The following KIF16B variants were observed in gnomAD, a reference collection of about 807,000 sequenced individuals.
KIF16B encodes kinesin family member 16B.
Under a neutral mutation model 156.3 loss-of-function variants are expected in KIF16B, and 98 were observed. The observed-to-expected ratio is 0.63, with a 90% CI of 0.53 to 0.74. The LOEUF (loss-of-function observed/expected upper bound fraction) is 0.74, where lower values mean the gene tolerates loss of function less well. Ranked by LOEUF, KIF16B falls within the 30% of genes least tolerant of loss-of-function variation. KIF16B has a pLI of 0.00. For missense variants in KIF16B, 1,421 were observed against 1,606.5 expected (o/e 0.88, Z 1.97); for synonymous variants, 564 against 583.7 (o/e 0.97, Z 0.49).
intron 24 of KIF16B, among the ~76,000 whole-genome samples, chr20:16,328,626 T>C (rs1281100095): frequency 1.3e-5 from 2 of 152,156 alleles, no homozygotes; most frequent in Non-Finnish European, 2.9e-5. Flanking sequence ...CCTTGAAAAG[T>C]AAGGTTCCTG....
chr20:16,439,616 T>C (rs2066739646), intron 12 of KIF16B, among the ~76,000 whole-genome samples: 1 of 152,084 alleles, frequency 6.6e-6, no homozygotes, highest in Non-Finnish European at 1.5e-5. Flanking sequence ...ATGAGTGAGA[T>C]TGTATTAGTC....
At chr20:16,331,974 T>G (rs1358001661) in intron 24 of KIF16B, among the ~76,000 whole-genome samples, 2 of 152,162 alleles carry the variant, frequency 1.3e-5, no homozygotes, top group African/African-American at 4.8e-5. Flanking sequence ...CTGAGCTGCA[T>G]AAGAGTAAAA....
At chr20:16,458,680 GGA>G (rs1370597475) in intron 12 of KIF16B, among the ~76,000 whole-genome samples, 2 of 152,002 alleles carry the variant, frequency 1.3e-5, no homozygotes, top group East Asian at 3.9e-4. Flanking sequence ...AAGAAAGGAG[GGA>G]GAGAGTGGGA....
At chr20:16,535,383 T>A (rs181321017) in intron 1 of KIF16B, among the ~76,000 whole-genome samples, 184 of 152,278 alleles carry the variant, frequency 1.2e-3, no homozygotes, top group African/African-American at 4.2e-3. Flanking sequence ...GTTCTAAGAG[T>A]TTTTAGGTGA....
At chr20:16,558,976 A>C (rs1301131801) in intron 1 of KIF16B, among the ~76,000 whole-genome samples, 1 of 150,886 alleles carries the variant, frequency 6.6e-6, no homozygotes, top group East Asian at 1.9e-4. Context: ...ACAGCCTATT[A>C]TCTCCCTGAT....
chr20:16,446,957 C>A (rs1449926507), intron 12 of KIF16B, among the ~76,000 whole-genome samples: 1 of 152,218 alleles, frequency 6.6e-6, no homozygotes, highest in African/African-American at 2.4e-5. Flanking sequence ...TCTACTCCCA[C>A]ATTTTCAGAA....
chr20:16,492,933 A>C (rs567000493), intron 12 of KIF16B, among the ~76,000 whole-genome samples: 1 of 152,216 alleles, frequency 6.6e-6, no homozygotes, highest in Non-Finnish European at 1.5e-5. Context: ...GGGCTGAGGC[A>C]CCAACACCTC....
intron 12 of KIF16B, among the ~76,000 whole-genome samples, chr20:16,475,844 C>T (rs1417177809): frequency 1.3e-5 from 2 of 152,070 alleles, no homozygotes; most frequent in Non-Finnish European, 2.9e-5. Context: ...AAGATATTAC[C>T]CTGGTACTCT....
chr20:16,453,492 A>G (rs749888135), intron 12 of KIF16B, among the ~76,000 whole-genome samples: 1 of 152,142 alleles, frequency 6.6e-6, no homozygotes, highest in Admixed American at 6.5e-5. Flanking sequence ...ATCCACACAC[A>G]TACAAACACC....
chr20:16,401,261 TTC>T (rs1240632695), intron 17 of KIF16B, among the ~76,000 whole-genome samples: 1 of 152,180 alleles, frequency 6.6e-6, no homozygotes, highest in African/African-American at 2.4e-5. Flanking sequence ...TTCTCCCGAA[TTC>T]TCTGATTGCC....
intron 22 of KIF16B, among the ~76,000 whole-genome samples, chr20:16,361,438 C>T (rs920031392): frequency 1.3e-5 from 2 of 152,158 alleles, no homozygotes; most frequent in African/African-American, 4.8e-5. Flanking sequence ...GTAGAGAAGC[C>T]TGCCTTTGCT....
intron 24 of KIF16B, 36 bp downstream of exon 24, chr20:16,335,890 A>G (rs560167301): frequency 8.0e-7 from 1 of 1,257,534 alleles, no homozygotes; most frequent in South Asian, 1.2e-5. Context: ...TATAAAATGA[A>G]TGCTCTTAAT....
chr20:16,475,877 A>G (rs1438096265), intron 12 of KIF16B, among the ~76,000 whole-genome samples: 1 of 152,214 alleles, frequency 6.6e-6, no homozygotes, highest in Non-Finnish European at 1.5e-5. Flanking sequence ...AGATTAGAAA[A>G]ATTATTTAAA....
At chr20:16,469,808 A>C (rs6034485) in intron 12 of KIF16B, among the ~76,000 whole-genome samples, 37,695 of 152,038 alleles carry the variant, frequency 0.25, 4,843 homozygotes, top group African/African-American at 0.3. Flanking sequence ...ACAAACCAGT[A>C]ATCATACTGC....
At position 16,374,300 on chromosome 20, in the gene KIF16B, C is replaced by T. The variant is rs772129510; in HGVS notation, c.3307G>A (p.Val1103Ile). ...ACCAGGTGTGATTTTTCAGCACTGA[C>T]TGGCAAGCTGGAAGAAGCCACCTTC... ...EGKVASSSLP[V>I]SAEKSHLVPL... The change falls in exon 20 of 26, where the codon GTC becomes ATC. Residue 1103 changes from valine to isoleucine, a missense_variant. Coordinates refer to ENST00000354981, the MANE Select transcript of KIF16B (RefSeq NM_024704.5). 8.1e-6 allele frequency: 13 copies of T among 1,604,172 alleles called. No individual in the cohort carries two copies. The South Asian group carries it at 1.3e-4, about 17-fold the overall frequency.
chr20:16,396,341 T>C (rs910562216), intron 17 of KIF16B, among the ~76,000 whole-genome samples: 7 of 152,030 alleles, frequency 4.6e-5, no homozygotes, highest in South Asian at 2.1e-4. Flanking sequence ...ACTTGGTCCA[T>C]GGTGCCAAAA....
At position 16,350,810 on chromosome 20, in the gene KIF16B, G is replaced by A. The variant is rs60045808; in HGVS notation, c.3621+5520C>T. The stretch of plus-strand genomic sequence containing the variant: ...GCCAGACAGGCTGTGCCTAATGAGA[G>A]CACCTGTGGCCAGGCTAGCATGCAT... On this transcript the variant is annotated intron_variant, in intron 23 of 25. Coordinates refer to ENST00000354981, the MANE Select transcript of KIF16B (RefSeq NM_024704.5). Among the ~76,000 whole-genome samples, 524 of 150,204 alleles carry A rather than the reference G, an allele frequency of 3.5e-3. 4 individuals carry two copies. The highest frequency in any genetic ancestry group is 0.027 in the Middle Eastern group (8 of 292).
chr20:16,413,404 C>T (rs1254927753), intron 15 of KIF16B, among the ~76,000 whole-genome samples: 2 of 152,038 alleles, frequency 1.3e-5, no homozygotes, highest in African/African-American at 4.8e-5. Flanking sequence ...AATGCAGGGA[C>T]AATAATCATT....
chr20:16,509,533 T>G (rs1239298458), intron 6 of KIF16B, among the ~76,000 whole-genome samples: 1 of 152,208 alleles, frequency 6.6e-6, no homozygotes, highest in Non-Finnish European at 1.5e-5. Flanking sequence ...TACCTCCAAG[T>G]ATTCTTATTT....
Sources: allele counts gnomAD v4.1 joint callset (sites outside exome capture counted in the v4.1 genomes callset), GRCh38; gene constraint gnomAD v4.1.1; transcripts MANE v1.5; gene names NCBI Gene and HGNC (gene_info 2026-07-23, HGNC 2026-07-21).